RAD17: variants seen among roughly 807,000 people sequenced by gnomAD.
RAD17 encodes the protein RAD17 checkpoint clamp loader component.
RAD17 carries 31 observed loss-of-function variants against 81.5 expected under a neutral mutation model. That is an observed-to-expected ratio of 0.38 (90% CI 0.29 to 0.51). The LOEUF (loss-of-function observed/expected upper bound fraction) is 0.51, where lower values mean the gene tolerates loss of function less well. Among genes scored for constraint, RAD17 ranks in the 20% least tolerant of loss-of-function variants. RAD17 has a pLI of 0.88. For missense variants in RAD17, 681 were observed against 781.2 expected (o/e 0.87, Z 1.53); for synonymous variants, 261 against 266.2 (o/e 0.98, Z 0.19).
chr5:69,388,260 T>C (rs1197549632), intron 11 of RAD17, among the ~76,000 whole-genome samples: 1 of 152,152 alleles, frequency 6.6e-6, no homozygotes, highest in Non-Finnish European at 1.5e-5. Context: ...AAATAATTGG[T>C]GTAATTATGG....
chr5:69,376,941 A>G (rs891743334), intron 6 of RAD17, among the ~76,000 whole-genome samples: 2 of 152,062 alleles, frequency 1.3e-5, no homozygotes, highest in African/African-American at 4.8e-5. Context: ...TTTAATAGAG[A>G]CAGGGTTTCA....
intron 17 of RAD17, among the ~76,000 whole-genome samples, chr5:69,403,829 G>A (rs1765424599): frequency 6.6e-6 from 1 of 152,160 alleles, no homozygotes; most frequent in Admixed American, 6.6e-5. Flanking sequence ...GCTGAAGTAA[G>A]GGGATCACTT....
chr5:69,375,884 A>C (rs1052636829), intron 6 of RAD17, among the ~76,000 whole-genome samples: 2 of 151,494 alleles, frequency 1.3e-5, no homozygotes, highest in African/African-American at 4.9e-5. Flanking sequence ...TCTTTTCTCC[A>C]AGGCACTGAC....
Position 69,391,850 on chromosome 5 carries a change from A to G in RAD17, c.1026A>G (p.Pro342=), listed in dbSNP as rs1466830468. ...ATTCAGGAGAAAACAACTTACGGCC[A>G]AGGAAAAAAGGAATGTCTTTAAAAT... ...SSSKGENNLR[P]RKKGMSLKSD... Residue 342 remains proline, a synonymous_variant, in exon 13 of 19, where the codon CCA becomes CCG. Coordinates refer to ENST00000354868, the MANE Select transcript of RAD17 (RefSeq NM_133338.3). 6.4e-7 allele frequency: 1 copy of G among 1,554,780 alleles called. No homozygotes were observed.
At chr5:69,374,831 T>C (rs141351086) in intron 6 of RAD17, 120 bp downstream of exon 6, 2 of 803,292 alleles carry the variant, frequency 2.5e-6, no homozygotes, top group East Asian at 2.8e-5. Context: ...TCTCCTGCAG[T>C]AGAAAGCTCC....
chr5:69,369,674 A>G (rs761568971), upstream of RAD17: 21 of 1,556,014 alleles, frequency 1.3e-5, no homozygotes, highest in Non-Finnish European at 9.6e-6. Context: ...TCGATGACAC[A>G]TTTCCGTCGC....
chr5:69,393,071 A>G (rs1764642980), intron 13 of RAD17, 84 bp from the exon 14 acceptor site: 1 of 890,376 alleles, frequency 1.1e-6, no homozygotes, highest in African/African-American at 1.7e-5. Context: ...TTGTATGTCT[A>G]AAATTTTCAA....
intron 6 of RAD17, among the ~76,000 whole-genome samples, 190 bp downstream of exon 6, chr5:69,374,901 G>A (rs1249275820): frequency 6.6e-6 from 1 of 152,150 alleles, no homozygotes. Flanking sequence ...CAAGGCAGGA[G>A]GATCACTTGA....
chr5:69,377,614 C>CATATATATGCAT (rs1554038786), intron 6 of RAD17, among the ~76,000 whole-genome samples: 6 of 3,392 alleles, frequency 1.8e-3, no homozygotes, highest in Non-Finnish European at 3.6e-3. Flanking sequence ...TATATGTATA[C>CATATATATGCAT]ATATATATGC....
chr5:69,407,846 C>T (rs1419048560), intron 17 of RAD17, among the ~76,000 whole-genome samples: 1 of 152,128 alleles, frequency 6.6e-6, no homozygotes, highest in Non-Finnish European at 1.5e-5. Context: ...GCTACCACGC[C>T]TGGCCTATGT....
At chr5:69,396,744 A>AT (rs920510619) in intron 16 of RAD17, among the ~76,000 whole-genome samples, 198 bp downstream of exon 16, 20 of 152,292 alleles carry the variant, frequency 1.3e-4, no homozygotes, top group Non-Finnish European at 1.0e-4. Flanking sequence ...TGCTTGTACA[A>AT]TTTTTTAAGG....
rs552356723 is a variant in RAD17 at position 69,400,579 on chromosome 5, C to T, written c.1693+410C>T. On this transcript the variant is annotated intron_variant, in intron 17 of 18. Coordinates refer to ENST00000354868, the MANE Select transcript of RAD17 (RefSeq NM_133338.3). ...ATTTATTGCTATATGCAGTGAGATACTTTTTTTCCTTTTATTTTTTGATCC... is the reference window on the plus strand; with the variant it reads ...ATTTATTGCTATATGCAGTGAGATATTTTTTTTCCTTTTATTTTTTGATCC... Among the ~76,000 whole-genome samples, 3 of 150,702 alleles carry T rather than the reference C, an allele frequency of 2.0e-5. No individual in the cohort carries two copies. The South Asian group carries it at 6.3e-4, about 32-fold the overall frequency.
chr5:69,406,142 G>A (rs747571044), intron 17 of RAD17, among the ~76,000 whole-genome samples: 27 of 151,958 alleles, frequency 1.8e-4, no homozygotes, highest in African/African-American at 3.1e-4. Context: ...AAGATATAGC[G>A]TCAGTCTAAT....
intron 4 of RAD17, among the ~76,000 whole-genome samples, chr5:69,373,351 G>A (rs1329264128): frequency 6.6e-6 from 1 of 152,120 alleles, no homozygotes. Flanking sequence ...TGCACTTACT[G>A]TAAAGTAGAA....
intron 1 of RAD17, chr5:69,370,345 CT>C (rs1367146496): frequency 6.6e-6 from 1 of 152,352 alleles, no homozygotes; most frequent in Non-Finnish European, 1.5e-5. Context: ...CAGTCTGCAC[CT>C]TTTTTTGTTT....
chr5:69,393,984 G>A (rs2150838560), intron 15 of RAD17, among the ~76,000 whole-genome samples: 1 of 139,120 alleles, frequency 7.2e-6, no homozygotes, highest in Admixed American at 7.9e-5. Context: ...TGAACTACTG[G>A]GTTTAGGGAA....
chr5:69,392,796 T>C (rs1478041214), intron 13 of RAD17: 2 of 458,230 alleles, frequency 4.4e-6, no homozygotes, highest in Non-Finnish European at 8.7e-6. Context: ...TTCTTTCATG[T>C]AGAGAGCAAC....
chr5:69,369,609 C>T, upstream of RAD17: 1 of 1,582,212 alleles, frequency 6.3e-7, no homozygotes, highest in Non-Finnish European at 8.6e-7. Flanking sequence ...AAGCCCACCG[C>T]GGCGCCCCTA....
In RAD17 at chr5:69,382,159, C is replaced by T. The variant is rs925036629; in HGVS notation, c.508+102C>T. On this transcript the variant is annotated intron_variant, in intron 7 of 18. Transcript: ENST00000354868. ...AGTGCATTTTTTCCCATACTTCTTG[C>T]TTTCAGAGGGATGGAATTTCACAGG... is the stretch of plus-strand genomic sequence containing the variant. 4.5e-6 allele frequency: 6 copies of T among 1,325,326 alleles called. No homozygotes were observed. In the Admixed American group the frequency reaches 1.4e-4, roughly 31 times the overall value. 82.1% of individuals were successfully genotyped at this position (1,325,326 alleles called of 1,614,324 possible). A position where few individuals can be genotyped will look rare whatever the true frequency, so the allele number is the denominator to read the frequency against.
Sources: allele counts gnomAD v4.1 joint callset (sites outside exome capture counted in the v4.1 genomes callset), GRCh38; gene constraint gnomAD v4.1.1; transcripts MANE v1.5; gene names NCBI Gene and HGNC (gene_info 2026-07-23, HGNC 2026-07-21).